The following GPC6 variants were observed in gnomAD, a reference collection of about 807,000 sequenced individuals.
GPC6 encodes the protein glypican-6.
GPC6 carries 14 observed loss-of-function variants against 55.2 expected under a neutral mutation model. That is an observed-to-expected ratio of 0.25 (90% CI 0.17 to 0.40). GPC6 has a LOEUF of 0.40. Ranked by LOEUF, GPC6 falls within the 10% of genes least tolerant of loss-of-function variation. GPC6 has a pLI of 1.00. For missense variants in GPC6, 641 were observed against 708.5 expected (o/e 0.90, Z 1.08); for synonymous variants, 278 against 259.6 (o/e 1.07, Z -0.68).
rs1010526973 is a variant in GPC6, at chr13:93,456,366, G to A, written c.161-88897G>A. Among the ~76,000 whole-genome samples the A allele has an allele frequency of 2.0e-5, 3 of 152,048 alleles. No individual in the cohort carries two copies. The South Asian group carries it at 6.2e-4, about 32-fold the overall frequency. The stretch of plus-strand genomic sequence containing the variant: ...CATATTTTCTTAGTTATAGAAATCA[G>A]GTATAAAATTATCCCTACTGTTAAA... On this transcript the variant is annotated intron_variant, in intron 1 of 8. Transcript: ENST00000377047.
intron 4 of GPC6, among the ~76,000 whole-genome samples, chr13:94,107,902 G>A (rs936863860): frequency 1.3e-5 from 2 of 152,114 alleles, no homozygotes; most frequent in African/African-American, 4.8e-5. Flanking sequence ...ATGTTGGCAT[G>A]GATGCAGTGA....
intron 2 of GPC6, among the ~76,000 whole-genome samples, chr13:93,577,829 A>G (rs1340790394): frequency 6.6e-6 from 1 of 152,080 alleles, no homozygotes; most frequent in African/African-American, 2.4e-5. Flanking sequence ...CATGTTCAGT[A>G]CGATGTTGGC....
chr13:93,865,505 A>C, intron 3 of GPC6, among the ~76,000 whole-genome samples: 1 of 151,684 alleles, frequency 6.6e-6, no homozygotes, highest in East Asian at 2.0e-4. Context: ...ATCTGATGGA[A>C]GGATTTAGCT....
At chr13:94,239,407 CTG>C (rs1890983666) in intron 4 of GPC6, among the ~76,000 whole-genome samples, 1 of 152,092 alleles carries the variant, frequency 6.6e-6, no homozygotes, top group Admixed American at 6.6e-5. Context: ...TTGAGCATAA[CTG>C]TTTTTCTGTG....
At chr13:94,036,155 T>C (rs994363721) in intron 4 of GPC6, among the ~76,000 whole-genome samples, 1 of 152,088 alleles carries the variant, frequency 6.6e-6, no homozygotes, top group South Asian at 2.1e-4. Flanking sequence ...TTGGGAAGCT[T>C]CATGGTGTAT....
At chr13:94,119,417 G>T (rs953428272) in intron 4 of GPC6, among the ~76,000 whole-genome samples, 1 of 151,940 alleles carries the variant, frequency 6.6e-6, no homozygotes, top group Non-Finnish European at 1.5e-5. Context: ...CACTGACAAG[G>T]TGACCTTTGA....
At chr13:93,713,677 C>A (rs1185569887) in intron 2 of GPC6, among the ~76,000 whole-genome samples, 1 of 150,272 alleles carries the variant, frequency 6.7e-6, no homozygotes, top group Non-Finnish European at 1.5e-5. Flanking sequence ...AAAATAACTT[C>A]TAGTTCTATA....
At chr13:93,664,200 A>G (rs1316566464) in intron 2 of GPC6, among the ~76,000 whole-genome samples, 1 of 152,206 alleles carries the variant, frequency 6.6e-6, no homozygotes, top group Non-Finnish European at 1.5e-5. Flanking sequence ...AAATAATTTA[A>G]TAAGGTAGGG....
At chr13:93,981,709 A>C (rs1880810368) in intron 3 of GPC6, among the ~76,000 whole-genome samples, 1 of 152,170 alleles carries the variant, frequency 6.6e-6, no homozygotes, top group African/African-American at 2.4e-5. Context: ...TATGCACTTA[A>C]GCTAATGTAA....
At chr13:94,377,113 G>A (rs1350521370) in intron 6 of GPC6, among the ~76,000 whole-genome samples, 1 of 149,912 alleles carries the variant, frequency 6.7e-6, no homozygotes, top group African/African-American at 2.4e-5. Context: ...GAAAACCTAG[G>A]CATTACCATT....
At chr13:94,303,396 C>G (rs923009380) in intron 5 of GPC6, among the ~76,000 whole-genome samples, 6 of 152,160 alleles carry the variant, frequency 3.9e-5, no homozygotes, top group Non-Finnish European at 5.9e-5. Flanking sequence ...AAGGTGGATC[C>G]GGTCACCTTC....
intron 2 of GPC6, among the ~76,000 whole-genome samples, chr13:93,736,391 A>G (rs1884002984): frequency 6.6e-6 from 1 of 152,250 alleles, no homozygotes; most frequent in Non-Finnish European, 1.5e-5. Context: ...ATATACATAC[A>G]TCTATTTTTA....
chr13:94,324,704 T>G (rs921171697), intron 6 of GPC6, among the ~76,000 whole-genome samples: 42 of 96,050 alleles, frequency 4.4e-4, no homozygotes, highest in Non-Finnish European at 5.6e-4. Context: ...CTGGGTTTTT[T>G]GTTTTTTTTT....
At chr13:94,333,356 C>G (rs1393881999) in intron 6 of GPC6, among the ~76,000 whole-genome samples, 1 of 152,166 alleles carries the variant, frequency 6.6e-6, no homozygotes, top group East Asian at 1.9e-4. Context: ...AGTGTGCAGG[C>G]TCTCTGTGCT....
chr13:93,918,664 T>C lies in GPC6; in HGVS notation c.711+88119T>C, dbSNP rs115354420. 5.3e-3 allele frequency among the ~76,000 whole-genome samples: 800 copies of C among 152,292 alleles called. 8 individuals carry two copies. The highest frequency in any genetic ancestry group is 0.018 in the African/African-American group (765 of 41,568). On this transcript the variant is annotated intron_variant, in intron 3 of 8. Coordinates refer to ENST00000377047, the MANE Select transcript of GPC6 (RefSeq NM_005708.5). ...AGAAACAACACCATCAGTTTTTGGA[T>C]GTCTGTAGTGTTCAGCTCTGTCAAC...
At chr13:93,956,284 ATAATACT>A (rs1232785026) in intron 3 of GPC6, among the ~76,000 whole-genome samples, 6 of 152,038 alleles carry the variant, frequency 3.9e-5, no homozygotes, top group Admixed American at 1.3e-4. Context: ...TACATAATAC[ATAATACT>A]TAATGATTAT....
In GPC6 at chr13:93,803,459, A is replaced by G. The variant is rs144630856; in HGVS notation, c.320-26695A>G. Among the ~76,000 whole-genome samples, 820 of 152,320 alleles carry G rather than the reference A, an allele frequency of 5.4e-3. 6 individuals carry two copies. The highest frequency in any genetic ancestry group is 0.018 in the African/African-American group (757 of 41,582). On this transcript the variant is annotated intron_variant, in intron 2 of 8. Transcript: ENST00000377047. Reference sequence around the variant, plus strand: ...CAAGTATTGGTGGGAAAGTGGAAAAATTAAAGCCCTTATACATTGCTGGTG... The same window carrying G: ...CAAGTATTGGTGGGAAAGTGGAAAAGTTAAAGCCCTTATACATTGCTGGTG...
At chr13:93,482,007 G>A (rs963635865) in intron 1 of GPC6, among the ~76,000 whole-genome samples, 1 of 152,064 alleles carries the variant, frequency 6.6e-6, no homozygotes, top group African/African-American at 2.4e-5. Flanking sequence ...TTGGAGTGTT[G>A]CCACCTTAAC....
At position 93,354,358 on chromosome 13, in the gene GPC6, T is replaced by TGTTTGTTTG. The variant is rs200333440; in HGVS notation, c.160+126742_160+126743insGTTTGTTTG. Among the ~76,000 whole-genome samples, 19 of 144,376 alleles carry TGTTTGTTTG rather than the reference T, an allele frequency of 1.3e-4. No individual in the cohort carries two copies. In the South Asian group the frequency reaches 1.6e-3, roughly 12 times the overall value. 94.7% of individuals were successfully genotyped at this position (144,376 alleles called of 152,430 possible). On this transcript the variant is annotated intron_variant, in intron 1 of 8. Coordinates refer to ENST00000377047, the MANE Select transcript of GPC6 (RefSeq NM_005708.5). ...GTGCTTCCGTTGGTAGATTTTTTTTTTTTTTTTTTTGAGACAGAGTCTCGC... is the reference window on the plus strand; with the variant it reads ...GTGCTTCCGTTGGTAGATTTTTTTTTGTTTGTTTGTTTTTTTTTTGAGACAGAGTCTCGC...
Sources: allele counts gnomAD v4.1 joint callset (sites outside exome capture counted in the v4.1 genomes callset), GRCh38; gene constraint gnomAD v4.1.1; transcripts MANE v1.5; gene names NCBI Gene and HGNC (gene_info 2026-07-23, HGNC 2026-07-21).